CLEC6A: variants seen among roughly 807,000 people sequenced by gnomAD.
CLEC6A encodes the protein C-type lectin domain containing 6A.
A neutral mutation model predicts 25.7 loss-of-function variants in CLEC6A; 22 were observed. The ratio of observed to expected loss-of-function variants is 0.85; its 90% CI spans 0.61 to 1.22. CLEC6A has a LOEUF of 1.22. Among genes scored for constraint, CLEC6A ranks in the 50% most tolerant of loss-of-function variants. The pLI is 0.00. For synonymous variants in CLEC6A, 92 were observed against 76.7 expected (o/e 1.20, Z -1.04); for missense variants, 240 against 236.8 (o/e 1.01, Z -0.09).
intron 4 of CLEC6A, among the ~76,000 whole-genome samples, chr12:8,468,651 G>A (rs942572000): frequency 3.9e-5 from 6 of 152,134 alleles, no homozygotes; most frequent in African/African-American, 7.2e-5. Context: ...GTCAATTAAC[G>A]TGATACACCA....
At chr12:8,470,172 C>T (rs770227024) in intron 4 of CLEC6A, among the ~76,000 whole-genome samples, 19 of 151,986 alleles carry the variant, frequency 1.3e-4, no homozygotes, top group Non-Finnish European at 1.9e-4. Flanking sequence ...GACCAACAAA[C>T]TTATGAAAAA....
rs772850683 is a variant in CLEC6A, at chr12:8,476,171, G to C, written c.416G>C (p.Gly139Ala). The C allele has an allele frequency of 2.5e-6, 4 of 1,609,960 alleles. No individual in the cohort carries two copies. The African/African-American group carries it at 5.4e-5, about 22-fold the overall frequency. The change falls in exon 5 of 6, where the codon GGG (glycine) becomes GCG (alanine). Residue 139 changes from glycine to alanine, a missense_variant. By Grantham distance (60) the Gly-to-Ala change is moderately conservative. Transcript: ENST00000382073. ...AATGAGTCATTTTCTTATTTTCTGG[G>C]GCTTTCAGACCCACAAGGTAATAAT... ...QLNESFSYFL[G>A]LSDPQGNNNW...
intron 4 of CLEC6A, among the ~76,000 whole-genome samples, chr12:8,475,070 C>A (rs1591710353): frequency 1.3e-5 from 2 of 151,956 alleles, no homozygotes; most frequent in African/African-American, 4.8e-5. Flanking sequence ...GTGTGATGTT[C>A]CCCGCCCTGT....
intron 4 of CLEC6A, among the ~76,000 whole-genome samples, chr12:8,467,955 T>C (rs61922367): frequency 0.77 from 116,544 of 151,148 alleles, 45,361 homozygotes; most frequent in East Asian, 0.99. Context: ...CTTTTTTTTT[T>C]TCCCCAAGAC....
chr12:8,461,612 T>C (rs1939754337), intron 3 of CLEC6A, among the ~76,000 whole-genome samples: 1 of 152,234 alleles, frequency 6.6e-6, no homozygotes, highest in Non-Finnish European at 1.5e-5. Flanking sequence ...TTTTGTATAA[T>C]ACCATGTCAG....
rs1188947855 is a variant in CLEC6A at position 8,478,291 on chromosome 12, A to G, written c.*827A>G. 6.6e-6 allele frequency: 1 copy of G among 151,990 alleles called. No individual in the cohort carries two copies. The highest frequency in any genetic ancestry group is 2.4e-5 in the African/African-American group (1 of 41,440). The allele number at this position is 151,990 out of a possible 1,614,324, so 9.4% of individuals were successfully genotyped here. On this transcript the variant is annotated 3_prime_UTR_variant, in exon 6 of 6. Transcript: ENST00000382073. ...TAAATGGCAATGATAATGACAGTTT[A>G]TTTTTATGTTATATAAAAACCTCAA... is the stretch of plus-strand genomic sequence containing the variant.
intron 5 of CLEC6A, 120 bp from the exon 6 acceptor site, chr12:8,477,200 A>C: frequency 1.4e-6 from 1 of 723,872 alleles, no homozygotes; most frequent in Non-Finnish European, 2.2e-6. Flanking sequence ...AGAAGAAGGA[A>C]CAATCATTGG....
chr12:8,464,612 A>G (rs745698834), intron 3 of CLEC6A, among the ~76,000 whole-genome samples: 3 of 152,208 alleles, frequency 2.0e-5, no homozygotes, highest in Non-Finnish European at 2.9e-5. Flanking sequence ...GATTACAGGC[A>G]TGAGCCACTG....
At chr12:8,461,001 A>G in intron 3 of CLEC6A, 1 of 1,380,006 alleles carries the variant, frequency 7.2e-7, no homozygotes, top group South Asian at 1.2e-5. Context: ...CCACATAAAA[A>G]TTTTTGGGGG....
chr12:8,467,627 G>A (rs879044845), intron 4 of CLEC6A, among the ~76,000 whole-genome samples: 5 of 152,282 alleles, frequency 3.3e-5, no homozygotes, highest in Admixed American at 2.6e-4. Flanking sequence ...GAAGTGTGAG[G>A]CATCCAACTT....
In CLEC6A at chr12:8,476,254, TG is replaced by T; in HGVS notation, c.485+18del. ...GAAAAATGTCAGGTGAGTGCAGTTC[TG>T]GGGCCTTGTTTACATAGAAAATCTA... On this transcript the variant is annotated intron_variant, in intron 5 of 5. Transcript: ENST00000382073. 1.4e-6 allele frequency: 2 copies of T among 1,438,194 alleles called. No homozygotes were observed. The highest frequency in any genetic ancestry group is 9.6e-7 in the Non-Finnish European group (1 of 1,036,980). 89.1% of individuals were successfully genotyped at this position (1,438,194 alleles called of 1,614,324 possible). A position where few individuals can be genotyped will look rare whatever the true frequency, so the allele number is the denominator to read the frequency against.
At chr12:8,461,531 AAATGACCAGCCAAGCTGTTC>A (rs1939753285) in intron 3 of CLEC6A, among the ~76,000 whole-genome samples, 1 of 152,254 alleles carries the variant, frequency 6.6e-6, no homozygotes, top group African/African-American at 2.4e-5. Flanking sequence ...TATCCAATGT[AAATGACCAGCCAAGCTGTTC>A]AATACAACTA....
Position 8,458,000 on chromosome 12 carries a change from C to T in CLEC6A, c.121+13C>T. On this transcript the variant is annotated intron_variant, in intron 2 of 5. Transcript: ENST00000382073. ...GTGAGCTGTGTAGGTAAGTTCTTCA[C>T]TGAGGTGCATTTTCCTTGCTTCCTT... 5.7e-6 allele frequency: 9 copies of T among 1,581,214 alleles called. No individual in the cohort carries two copies. Among genetic ancestry groups the T allele is most frequent in the Non-Finnish European group, 7.8e-6 (9 of 1,150,194 alleles).
intron 4 of CLEC6A, among the ~76,000 whole-genome samples, chr12:8,473,211 G>A (rs1256459772): frequency 1.0e-4 from 1 of 10,008 alleles, no homozygotes; most frequent in Non-Finnish European, 3.0e-4. Context: ...AGCCAGGATG[G>A]TCTCGATCTC....
chr12:8,468,206 G>A (rs1939862038), intron 4 of CLEC6A, among the ~76,000 whole-genome samples: 1 of 152,206 alleles, frequency 6.6e-6, no homozygotes, highest in African/African-American at 2.4e-5. Context: ...GCCTCCCAAA[G>A]GGCTGGGATT....
intron 1 of CLEC6A, among the ~76,000 whole-genome samples, chr12:8,456,885 G>A (rs756758174): frequency 1.3e-5 from 2 of 152,134 alleles, no homozygotes; most frequent in Non-Finnish European, 2.9e-5. Flanking sequence ...TGAGGTGGGT[G>A]GATCACTTGA....
At position 8,462,531 on chromosome 12, in the gene CLEC6A, A is replaced by C. The variant is rs1391679599; in HGVS notation, c.223+2833A>C. On this transcript the variant is annotated intron_variant, in intron 3 of 5. Transcript: ENST00000382073. Reference sequence around the variant, plus strand: ...ACCGCCTTAGGGCTGGAGGTGGGACATGCGGGCAACAATACTGCTCTGTAA... The same window carrying C: ...ACCGCCTTAGGGCTGGAGGTGGGACCTGCGGGCAACAATACTGCTCTGTAA... Among the ~76,000 whole-genome samples, 561 of 139,640 alleles carry C rather than the reference A, an allele frequency of 4.0e-3. 4 individuals are homozygous for C. Among genetic ancestry groups the C allele is most frequent in the African/African-American group, 0.013 (514 of 38,308 alleles). The allele number at this position is 139,640 out of a possible 152,430, so 91.6% of individuals were successfully genotyped here. A position where few individuals can be genotyped will look rare whatever the true frequency, so the allele number is the denominator to read the frequency against.
rs1303376795 is a variant in CLEC6A at position 8,459,595 on chromosome 12, A to G, written c.122-2A>G. ...ACACTAATCCTTCTTCTTCCTTTAC[A>G]GTAACTTACCATTTTACATATGGTG... On this transcript the variant is annotated splice_acceptor_variant, in intron 2 of 5. Transcript: ENST00000382073. LOFTEE classifies it high-confidence loss of function. 2 of 1,579,700 alleles carry G rather than the reference A, an allele frequency of 1.3e-6. No individual in the cohort carries two copies. The highest frequency in any genetic ancestry group is 1.7e-6 in the Non-Finnish European group (2 of 1,148,616).
chr12:8,460,583 C>G, intron 3 of CLEC6A: 1 of 1,041,116 alleles, frequency 9.6e-7, no homozygotes, highest in South Asian at 1.3e-5. Context: ...GGGGAAGAGC[C>G]TTTCTGTCTG....
Sources: gnomAD v4.1 joint callset for allele counts (sites outside exome capture counted in the v4.1 genomes callset) on GRCh38, gnomAD v4.1.1 for gene constraint, MANE v1.5 for transcripts, NCBI Gene and HGNC (gene_info 2026-07-23, HGNC 2026-07-21) for gene names.